ADAM32: variants seen among roughly 807,000 people sequenced by gnomAD.
The protein encoded by ADAM32 is ADAM metallopeptidase domain 32, also known as disintegrin and metalloproteinase domain-containing protein 32.
ADAM32 carries 89 observed loss-of-function variants against 114.9 expected under a neutral mutation model. The ratio of observed to expected loss-of-function variants is 0.77; its 90% CI spans 0.65 to 0.92. ADAM32 has a LOEUF of 0.92. ADAM32 is among the 40% of genes least tolerant of loss of function. The probability of loss-of-function intolerance (pLI) is 0.00; values close to 1 mark genes in which losing one functional copy is unlikely to be tolerated. For missense variants in ADAM32, 870 were observed against 932.8 expected (o/e 0.93, Z 0.88); for synonymous variants, 285 against 307.5 (o/e 0.93, Z 0.77).
intron 6 of ADAM32, chr8:39,157,703 G>T (rs1804226228): frequency 2.1e-6 from 2 of 959,424 alleles, no homozygotes; most frequent in Non-Finnish European, 3.3e-6. Flanking sequence ...GACTTGTGGA[G>T]GATGAGCGCT....
intron 10 of ADAM32, 34 bp from the exon 11 acceptor site, chr8:39,186,875 T>A (rs1386352237): frequency 1.3e-5 from 20 of 1,520,712 alleles, no homozygotes; most frequent in Non-Finnish European, 1.8e-5. Context: ...TAGAGAATTA[T>A]CTTTCCTTAG....
intron 6 of ADAM32, among the ~76,000 whole-genome samples, chr8:39,160,548 A>T (rs1378258189): frequency 1.1e-5 from 1 of 89,948 alleles, no homozygotes; most frequent in Admixed American, 1.2e-4. Context: ...TCAAAAAAAA[A>T]AAAAAAAAAA....
chr8:39,209,211 C>T (rs888287618), intron 11 of ADAM32, among the ~76,000 whole-genome samples: 2 of 152,064 alleles, frequency 1.3e-5, no homozygotes, highest in African/African-American at 4.8e-5. Flanking sequence ...TTTCAAATAG[C>T]CTGTGTTTGT....
At chr8:39,165,948 C>G (rs4587293) in intron 9 of ADAM32, 108,301 of 151,986 alleles carry the variant, frequency 0.71, 38,788 homozygotes, top group East Asian at 0.79. Flanking sequence ...GCTTGTTGAT[C>G]ATTTGTATCT....
intron 7 of ADAM32, among the ~76,000 whole-genome samples, chr8:39,163,075 G>A (rs1255588273): frequency 1.3e-5 from 2 of 152,154 alleles, no homozygotes; most frequent in East Asian, 1.9e-4. Context: ...TTGTAAATCC[G>A]TAATTATGGC....
intron 18 of ADAM32, among the ~76,000 whole-genome samples, chr8:39,256,674 C>T (rs1000341644): frequency 2.0e-5 from 3 of 152,044 alleles, no homozygotes; most frequent in Middle Eastern, 3.4e-3. Context: ...CCAGTGATAG[C>T]AAGGGACAGA....
rs1801921784 is a variant in ADAM32 at position 39,123,630 on chromosome 8, TC to T, written c.138+5466del. ...CTTTTTACAATATTGAGTGCTCTGA[TC>T]TATGAACATGTATGATACTTTCATT... On this transcript the variant is annotated intron_variant, in intron 2 of 24. Transcript: ENST00000379907. 2.0e-5 allele frequency among the ~76,000 whole-genome samples: 3 copies of T among 152,302 alleles called. No individual in the cohort carries two copies. The East Asian group carries it at 5.8e-4, about 29-fold the overall frequency.
At chr8:39,144,849 G>A (rs1803402463) in intron 3 of ADAM32, among the ~76,000 whole-genome samples, 1 of 152,150 alleles carries the variant, frequency 6.6e-6, no homozygotes, top group South Asian at 2.1e-4. Context: ...GCATCCTAAT[G>A]GGAAAGAGAA....
intron 11 of ADAM32, among the ~76,000 whole-genome samples, chr8:39,195,546 T>G (rs1806923414): frequency 6.6e-6 from 1 of 152,182 alleles, no homozygotes; most frequent in Admixed American, 6.5e-5. Context: ...CTTCTAGCAG[T>G]TTTACAGTTT....
chr8:39,215,409 C>A (rs1312459413), intron 12 of ADAM32, among the ~76,000 whole-genome samples: 2 of 151,774 alleles, frequency 1.3e-5, no homozygotes, highest in African/African-American at 4.8e-5. Context: ...AAACTAATTC[C>A]TAGACATTTT....
chr8:39,251,977 C>A (rs1413877883), intron 17 of ADAM32, among the ~76,000 whole-genome samples: 2 of 151,706 alleles, frequency 1.3e-5, no homozygotes, highest in Non-Finnish European at 3.0e-5. Flanking sequence ...AGAGACTGTT[C>A]TTTCTCTGTT....
At chr8:39,149,291 C>T (rs1377215458) in intron 4 of ADAM32, among the ~76,000 whole-genome samples, 3 of 151,966 alleles carry the variant, frequency 2.0e-5, no homozygotes, top group Non-Finnish European at 2.9e-5. Context: ...TTATCATTAC[C>T]AAATGTCCCT....
chr8:39,271,025 A>G, intron 20 of ADAM32, 111 bp downstream of exon 20: 1 of 933,968 alleles, frequency 1.1e-6, no homozygotes, highest in Non-Finnish European at 1.6e-6. Context: ...AAAGCAATGC[A>G]CTGAAATCCA....
intron 6 of ADAM32, among the ~76,000 whole-genome samples, chr8:39,153,296 T>C (rs954868501): frequency 6.6e-6 from 1 of 152,232 alleles, no homozygotes; most frequent in Non-Finnish European, 1.5e-5. Flanking sequence ...TGAAAATTTC[T>C]AATTTACAAT....
rs1253765406 is a variant in ADAM32 at position 39,149,751 on chromosome 8, T to C, written c.277-40T>C. On this transcript the variant is annotated intron_variant, in intron 4 of 24. Transcript: ENST00000379907. ...AGTAGGAAATCACTAGAAAGTTTTG[T>C]TACTTCCTAAGTGACTACTTTACTT... The C allele has an allele frequency of 2.8e-6, 4 of 1,435,780 alleles. No individual in the cohort carries two copies. In the African/African-American group the frequency reaches 5.7e-5, roughly 20 times the overall value. 88.9% of individuals were successfully genotyped at this position (1,435,780 alleles called of 1,614,324 possible). A position where few individuals can be genotyped will look rare whatever the true frequency, so the allele number is the denominator to read the frequency against.
intron 12 of ADAM32, among the ~76,000 whole-genome samples, chr8:39,213,459 C>T (rs912066693): frequency 2.6e-5 from 4 of 151,130 alleles, no homozygotes; most frequent in African/African-American, 9.7e-5. Flanking sequence ...ATCCCTTAAC[C>T]AACTTTTCTT....
At chr8:39,165,994 A>G (rs1016515046) in intron 9 of ADAM32, 2 of 152,086 alleles carry the variant, frequency 1.3e-5, no homozygotes, top group African/African-American at 4.8e-5. Flanking sequence ...TCATTTGACT[A>G]CTTCCCTATA....
chr8:39,195,729 C>T (rs1806940300), intron 11 of ADAM32, among the ~76,000 whole-genome samples: 1 of 152,084 alleles, frequency 6.6e-6, no homozygotes, highest in African/African-American at 2.4e-5. Context: ...GGGTTTATTT[C>T]TTGGCTTTCT....
intron 11 of ADAM32, among the ~76,000 whole-genome samples, chr8:39,209,938 C>T (rs73606773): frequency 0.25 from 37,442 of 152,144 alleles, 4,969 homozygotes; most frequent in Non-Finnish European, 0.29. Context: ...CACCTGAAGC[C>T]CATGGCCTCA....
Sources: gnomAD v4.1 joint callset for allele counts (sites outside exome capture counted in the v4.1 genomes callset) on GRCh38, gnomAD v4.1.1 for gene constraint, MANE v1.5 for transcripts, NCBI Gene and HGNC (gene_info 2026-07-23, HGNC 2026-07-21) for gene names.